Variants in RHOBTB1 observed in about 807,000 individuals in gnomAD.
The protein encoded by RHOBTB1 is Rho related BTB domain containing 1, also known as rho-related BTB domain-containing protein 1.
In RHOBTB1, 40 loss-of-function variants were observed where a neutral mutation model predicts 71.6. That is an observed-to-expected ratio of 0.56 (90% confidence interval 0.43 to 0.73). The LOEUF is 0.73. RHOBTB1 is among the 30% of genes least tolerant of loss of function. RHOBTB1 has a pLI of 0.00. For missense variants in RHOBTB1, 797 were observed against 894.0 expected, an observed-to-expected ratio of 0.89 and a Z score of 1.38; for synonymous variants, 319 against 334.9, an observed-to-expected ratio of 0.95 and a Z score of 0.52.
At chr10:60,925,837 C>T (rs993078077) in intron 2 of RHOBTB1, among the ~76,000 whole-genome samples, 14 of 152,122 alleles carry the variant, frequency 9.2e-5, no homozygotes, top group African/African-American at 3.4e-4. Context: ...TAGACATATA[C>T]AGCCTACAAA....
chr10:60,999,453 A>G (rs2087179795), intron 1 of RHOBTB1, among the ~76,000 whole-genome samples: 1 of 152,248 alleles, frequency 6.6e-6, no homozygotes. Context: ...GGTAAACAGA[A>G]GAACGACACA....
At chr10:60,939,890 T>A (rs547030562) in intron 2 of RHOBTB1, among the ~76,000 whole-genome samples, 1 of 152,334 alleles carries the variant, frequency 6.6e-6, no homozygotes, top group Non-Finnish European at 1.5e-5. Flanking sequence ...TTATTAGAGA[T>A]GCCATGCTAA....
At chr10:60,942,991 C>G (rs2084992351) in intron 1 of RHOBTB1, among the ~76,000 whole-genome samples, 1 of 152,060 alleles carries the variant, frequency 6.6e-6, no homozygotes, top group Non-Finnish European at 1.5e-5. Context: ...GCTCAGTGAA[C>G]AGCACAGGAT....
upstream of RHOBTB1, among the ~76,000 whole-genome samples, chr10:60,945,525 C>T (rs2085187777): frequency 6.6e-6 from 1 of 152,116 alleles, no homozygotes; most frequent in Admixed American, 6.6e-5. Context: ...CAGTTTCTTC[C>T]AGGAAACCGT....
In RHOBTB1 at chr10:60,898,031, G is replaced by A. The variant is rs143326171; in HGVS notation, c.297-5036C>T. 3.5e-3 allele frequency among the ~76,000 whole-genome samples: 526 copies of A among 152,122 alleles called. 3 individuals carry two copies. Among genetic ancestry groups the A allele is most frequent in the Non-Finnish European group, 4.8e-3 (328 of 68,002 alleles). Reference sequence around the variant, plus strand: ...TAATAATTATATTTACCCAAGTTCTGCTTGAAGTATCTCCTTTCAATGTAC... The same window carrying A: ...TAATAATTATATTTACCCAAGTTCTACTTGAAGTATCTCCTTTCAATGTAC... On this transcript the variant is annotated intron_variant, in intron 4 of 10. Coordinates refer to ENST00000337910, the MANE Select transcript of RHOBTB1 (RefSeq NM_014836.5).
intron 2 of RHOBTB1, among the ~76,000 whole-genome samples, chr10:60,985,481 T>C (rs1304438024): frequency 6.6e-6 from 1 of 152,236 alleles, no homozygotes; most frequent in African/African-American, 2.4e-5. Flanking sequence ...AAATCTTCCT[T>C]GTATATGGCC....
At chr10:60,872,119 T>C (rs530117949) in intron 10 of RHOBTB1, 66 bp downstream of exon 10, 2 of 1,180,942 alleles carry the variant, frequency 1.7e-6, no homozygotes, top group Non-Finnish European at 2.5e-6. Flanking sequence ...TCCAGGGACA[T>C]AGAAGATAAA....
chr10:60,951,019 T>C (rs958020575), intron 2 of RHOBTB1, among the ~76,000 whole-genome samples: 3 of 152,226 alleles, frequency 2.0e-5, no homozygotes, highest in African/African-American at 7.2e-5. Context: ...GGAAAATAAG[T>C]GGACTACAAA....
At chr10:60,974,832 T>C (rs1191920507) in intron 2 of RHOBTB1, among the ~76,000 whole-genome samples, 1 of 152,120 alleles carries the variant, frequency 6.6e-6, no homozygotes, top group Admixed American at 6.6e-5. Flanking sequence ...GTAAACTGAC[T>C]GTAATTTCTT....
Position 60,911,521 on chromosome 10 carries a change from C to T in RHOBTB1, c.22G>A (p.Glu8Lys), listed in dbSNP as rs758661809. Residue 8 changes from glutamate (E) to lysine (K), a missense_variant, in exon 3 of 11, where the codon GAA becomes AAA. Glu to Lys is a moderately conservative substitution (Grantham distance 56). Transcript: ENST00000337910. MDADMDY[E>K]RPNVETIKCV... ...TTGATAGTTTCAACGTTGGGTCTTT[C>T]GTAGTCCATGTCAGCGTCCATTTAT... 3.1e-6 allele frequency: 5 copies of T among 1,613,968 alleles called. No homozygotes were observed. The highest frequency in any genetic ancestry group is 2.2e-5 in the East Asian group (1 of 44,888).
chr10:60,877,801 T>C, intron 8 of RHOBTB1, 107 bp downstream of exon 8: 1 of 1,081,538 alleles, frequency 9.2e-7, no homozygotes, highest in South Asian at 1.6e-5. Flanking sequence ...ACAGTCCTAT[T>C]TTGGGTGATA....
chr10:60,907,709 C>A (rs1205152173), intron 4 of RHOBTB1, among the ~76,000 whole-genome samples: 1 of 152,096 alleles, frequency 6.6e-6, no homozygotes, highest in Non-Finnish European at 1.5e-5. Flanking sequence ...ACCAGATGAC[C>A]TTTTGAAATC....
downstream of RHOBTB1, among the ~76,000 whole-genome samples, chr10:60,869,161 T>G (rs1186323345): frequency 6.6e-6 from 1 of 152,246 alleles, no homozygotes; most frequent in Non-Finnish European, 1.5e-5. Flanking sequence ...TAGTTCTAGT[T>G]TCTCCCCCAA....
chr10:60,865,068 C>G (rs2132112537), downstream of RHOBTB1, among the ~76,000 whole-genome samples: 1 of 152,188 alleles, frequency 6.6e-6, no homozygotes, highest in Middle Eastern at 3.4e-3. Context: ...GGGGTCCAAA[C>G]CTGGTAATGG....
intron 2 of RHOBTB1, among the ~76,000 whole-genome samples, chr10:60,956,071 T>A (rs967023921): frequency 9.9e-5 from 15 of 152,146 alleles, no homozygotes; most frequent in African/African-American, 3.6e-4. Context: ...TGTGCAAACA[T>A]CATACAGTGT....
chr10:60,874,448 A>C (rs935046278), intron 9 of RHOBTB1, among the ~76,000 whole-genome samples: 1 of 152,204 alleles, frequency 6.6e-6, no homozygotes, highest in Non-Finnish European at 1.5e-5. Context: ...CTCCATGGTG[A>C]AGCTAAAGCT....
intron 2 of RHOBTB1, among the ~76,000 whole-genome samples, chr10:60,951,782 T>C (rs946064948): frequency 2.6e-5 from 4 of 152,140 alleles, no homozygotes; most frequent in Non-Finnish European, 4.4e-5. Context: ...TTGTTAATAA[T>C]GGTAAATGGT....
intron 2 of RHOBTB1, among the ~76,000 whole-genome samples, chr10:60,919,475 T>A (rs541938465): frequency 6.6e-6 from 1 of 152,170 alleles, no homozygotes; most frequent in African/African-American, 2.4e-5. Flanking sequence ...ACATCTCAGC[T>A]GGAATAAAGA....
intron 1 of RHOBTB1, among the ~76,000 whole-genome samples, chr10:60,992,254 T>C (rs1277962850): frequency 6.6e-6 from 1 of 152,154 alleles, no homozygotes; most frequent in African/African-American, 2.4e-5. Flanking sequence ...TGAATGGGAA[T>C]AATAGGGGTT....
Sources: allele counts gnomAD v4.1 joint callset (sites outside exome capture counted in the v4.1 genomes callset), GRCh38; gene constraint gnomAD v4.1.1; transcripts MANE v1.5; gene names NCBI Gene and HGNC (gene_info 2026-07-23, HGNC 2026-07-21).